Variants in SYNJ1 observed in about 807,000 individuals in gnomAD.
SYNJ1 encodes the protein polyphosphatidylinositol phosphatase SYNJ1.
SYNJ1 carries 78 observed loss-of-function variants against 168.2 expected under a neutral mutation model. The ratio of observed to expected loss-of-function variants is 0.46; its 90% CI spans 0.39 to 0.56. The LOEUF is 0.56. SYNJ1 is among the 20% of genes least tolerant of loss of function. The pLI is 0.00. For synonymous variants in SYNJ1, 539 were observed against 548.6 expected (o/e 0.98, Z 0.24); for missense variants, 1,303 against 1,597.6 (o/e 0.82, Z 3.14).
In SYNJ1 at chr21:32,630,872, G is replaced by T; in HGVS notation, c.*933C>A. 1.1e-6 allele frequency: 1 copy of T among 906,190 alleles called. No individual in the cohort carries two copies. Among genetic ancestry groups the T allele is most frequent in the Non-Finnish European group, 1.6e-6 (1 of 606,196 alleles). The allele number at this position is 906,190 out of a possible 1,614,324, so 56.1% of individuals were successfully genotyped here. On this transcript the variant is annotated 3_prime_UTR_variant, in exon 33 of 33. Coordinates refer to ENST00000674351, the MANE Select transcript of SYNJ1 (RefSeq NM_203446.3). ...TCCAACTCTGTACACATCAAATAGT[G>T]GTGTTTTGTGAAGATATCAGTGCAC...
At chr21:32,641,794 G>T in intron 29 of SYNJ1, 102 bp downstream of exon 29, 1 of 721,716 alleles carries the variant, frequency 1.4e-6, no homozygotes, top group East Asian at 2.8e-5. Context: ...AGGAAATTGA[G>T]GCCTTGAAGG....
At chr21:32,638,822 A>G (rs1479941489) in intron 31 of SYNJ1, 86 bp downstream of exon 31, 10 of 1,296,426 alleles carry the variant, frequency 7.7e-6, no homozygotes, top group East Asian at 2.4e-5. Context: ...TTTACTTCTT[A>G]TAACAGGCAA....
chr21:32,717,790 A>G (rs1015429224), intron 2 of SYNJ1, among the ~76,000 whole-genome samples: 2 of 152,152 alleles, frequency 1.3e-5, no homozygotes, highest in African/African-American at 4.8e-5. Flanking sequence ...AGATCTCTGG[A>G]GCTCTTTGTG....
intron 2 of SYNJ1, among the ~76,000 whole-genome samples, chr21:32,706,249 T>C (rs2042604030): frequency 6.6e-6 from 1 of 152,060 alleles, no homozygotes; most frequent in Non-Finnish European, 1.5e-5. Flanking sequence ...TAAAGAGACA[T>C]GACAACAAAA....
At chr21:32,664,703 C>G (rs548086032) in intron 18 of SYNJ1, among the ~76,000 whole-genome samples, 71 of 152,270 alleles carry the variant, frequency 4.7e-4, no homozygotes, top group South Asian at 2.1e-4. Flanking sequence ...GAATAAAGCC[C>G]TTTCCTTCTA....
Position 32,656,745 on chromosome 21 carries a change from C to T in SYNJ1, c.2737G>A (p.Ala913Thr). 1.2e-6 allele frequency: 2 copies of T among 1,614,012 alleles called. No individual in the cohort carries two copies. The highest frequency in any genetic ancestry group is 1.7e-6 in the Non-Finnish European group (2 of 1,179,986). ...SLPENNFFDDALIDELLQQFA... is the reference protein window; with the variant it reads ...SLPENNFFDDTLIDELLQQFA... Reference sequence around the variant, plus strand: ...TGCTGCAGAAGCTCATCAATCAAGGCATCATCAAAAAAATTATTTTCTGGT... The same window carrying T: ...TGCTGCAGAAGCTCATCAATCAAGGTATCATCAAAAAAATTATTTTCTGGT... The change falls in exon 21 of 33, where the codon GCC (alanine) becomes ACC (threonine). Residue 913 changes from alanine (A) to threonine (T), a missense_variant. Physicochemically the swap from Ala to Thr is moderately conservative, Grantham distance 58. Transcript: ENST00000674351.
chr21:32,673,698 A>G (rs1248260978), intron 13 of SYNJ1, among the ~76,000 whole-genome samples, 167 bp from the exon 14 acceptor site: 2 of 152,112 alleles, frequency 1.3e-5, no homozygotes, highest in African/African-American at 4.8e-5. Flanking sequence ...CTTCAATGCA[A>G]AGCCTGGTAT....
chr21:32,676,655 CAT>C (rs1262101112), intron 12 of SYNJ1, among the ~76,000 whole-genome samples: 5 of 152,120 alleles, frequency 3.3e-5, no homozygotes, highest in Admixed American at 1.3e-4. Context: ...TGCATGCGCA[CAT>C]GTTTGAGAAT....
chr21:32,647,834 T>C (rs1244295540), intron 23 of SYNJ1, among the ~76,000 whole-genome samples: 4 of 152,210 alleles, frequency 2.6e-5, no homozygotes, highest in Non-Finnish European at 5.9e-5. Context: ...AAATTATGCT[T>C]TTCAGTCTCT....
chr21:32,706,632 A>G (rs1255367165), intron 2 of SYNJ1, among the ~76,000 whole-genome samples: 1 of 152,180 alleles, frequency 6.6e-6, no homozygotes, highest in Non-Finnish European at 1.5e-5. Flanking sequence ...AAATACATAT[A>G]CTTATTCCCA....
chr21:32,643,784 C>T (rs968880949), intron 26 of SYNJ1, among the ~76,000 whole-genome samples: 1 of 152,056 alleles, frequency 6.6e-6, no homozygotes, highest in Non-Finnish European at 1.5e-5. Context: ...ATATCCAGAG[C>T]AAGTAAAAAC....
At position 32,628,854 on chromosome 21, in the gene SYNJ1, T is replaced by TA. The variant is rs2039217595; in HGVS notation, c.*2950dup. 1 of 152,678 alleles carries TA rather than the reference T, an allele frequency of 6.5e-6. No individual in the cohort carries two copies. Among genetic ancestry groups the TA allele is most frequent in the Non-Finnish European group, 1.5e-5 (1 of 68,048 alleles). 9.5% of individuals were successfully genotyped at this position (152,678 alleles called of 1,614,324 possible). ...ACCACTGACTTTAATACTGTACTTC[T>TA]ATAAAGTTTATAGTTATAAATATTG... On this transcript the variant is annotated 3_prime_UTR_variant, in exon 33 of 33. Transcript: ENST00000674351.
intron 2 of SYNJ1, among the ~76,000 whole-genome samples, chr21:32,718,642 G>A (rs1409312686): frequency 2.0e-5 from 3 of 151,298 alleles, no homozygotes; most frequent in Non-Finnish European, 4.4e-5. Context: ...GGGCAATCAT[G>A]TTGACAGCGT....
intron 6 of SYNJ1, among the ~76,000 whole-genome samples, chr21:32,688,614 T>C (rs1601427121): frequency 6.6e-6 from 1 of 152,162 alleles, no homozygotes. Flanking sequence ...CGTAAACTAG[T>C]AGGAATTTTT....
chr21:32,664,352 T>A (rs1417399720), intron 18 of SYNJ1, among the ~76,000 whole-genome samples: 1 of 152,068 alleles, frequency 6.6e-6, no homozygotes, highest in Non-Finnish European at 1.5e-5. Context: ...AATTTCTGCC[T>A]CCAAAGAAAG....
chr21:32,695,294 A>T lies in SYNJ1; in HGVS notation c.480-12T>A, dbSNP rs1444215246. The T allele has an allele frequency of 3.7e-6, 6 of 1,611,362 alleles. No homozygotes were observed. Among genetic ancestry groups the T allele is most frequent in the Non-Finnish European group, 5.1e-6 (6 of 1,178,170 alleles). On this transcript the variant is annotated splice_polypyrimidine_tract_variant and intron_variant, in intron 4 of 32. Coordinates refer to ENST00000674351, the MANE Select transcript of SYNJ1 (RefSeq NM_203446.3). Reference sequence around the variant, plus strand: ...GCAAAGACTGATTCCTAATAGGAAAAGAAATAAATGATTAGCTTATGGAAT... The same window carrying T: ...GCAAAGACTGATTCCTAATAGGAAATGAAATAAATGATTAGCTTATGGAAT...
Position 32,630,979 on chromosome 21 carries a change from T to C in SYNJ1, c.*826A>G, listed in dbSNP as rs188341241. 63 of 1,599,704 alleles carry C rather than the reference T, an allele frequency of 3.9e-5. No homozygotes were observed. In the African/African-American group the frequency reaches 7.0e-4, roughly 18 times the overall value. The stretch of plus-strand genomic sequence containing the variant: ...CCTGCCAAAAGCAAGTACCCACTGT[T>C]TTCTATTGCATGGCGTTATCTTTCT... On this transcript the variant is annotated 3_prime_UTR_variant, in exon 33 of 33. Transcript: ENST00000674351.
intron 27 of SYNJ1, 112 bp from the exon 28 acceptor site, chr21:32,642,245 T>C (rs1420535867): frequency 5.0e-6 from 6 of 1,188,702 alleles, no homozygotes; most frequent in Non-Finnish European, 6.2e-6. Flanking sequence ...GGGCATGAGA[T>C]GGTAACAAAA....
chr21:32,701,507 C>T (rs531232577), intron 3 of SYNJ1, among the ~76,000 whole-genome samples: 2 of 147,762 alleles, frequency 1.4e-5, no homozygotes, highest in South Asian at 4.3e-4. Context: ...CTAGTAACTG[C>T]AAAGGTTACT....
Sources: allele counts gnomAD v4.1 joint callset (sites outside exome capture counted in the v4.1 genomes callset), GRCh38; gene constraint gnomAD v4.1.1; transcripts MANE v1.5; gene names NCBI Gene and HGNC (gene_info 2026-07-23, HGNC 2026-07-21).